FIRRM: variants seen among roughly 807,000 people sequenced by gnomAD.
The protein encoded by FIRRM is FIGNL1-interacting regulator of recombination and mitosis.
At chr1:169,850,451 CA>C in the FIRRM span, 3 of 748,230 alleles carry the variant, frequency 4.0e-6, no homozygotes, top group Non-Finnish European at 6.7e-6. Context: ...AAACTTTTCA[CA>C]GTGCTGAGCA....
the FIRRM span, chr1:169,850,906 A>C: frequency 6.9e-6 from 1 of 143,896 alleles, no homozygotes; most frequent in African/African-American, 2.6e-5. Context: ...TCATAATTAA[A>C]TACACTTGAT....
the FIRRM span, chr1:169,807,883 A>T: frequency 6.2e-7 from 1 of 1,609,854 alleles, no homozygotes; most frequent in Non-Finnish European, 8.5e-7. Flanking sequence ...TTCTCCTTCC[A>T]TTCTTGTTTA....
chr1:169,840,549 C>G, the FIRRM span, among the ~76,000 whole-genome samples: 2 of 148,974 alleles, frequency 1.3e-5, no homozygotes, highest in African/African-American at 5.0e-5. Context: ...CTCGCACTGT[C>G]GCTCAGGCTG....
At chr1:169,818,884 G>A in the FIRRM span, among the ~76,000 whole-genome samples, 2 of 151,872 alleles carry the variant, frequency 1.3e-5, no homozygotes, top group African/African-American at 2.4e-5. Context: ...ACAGGGTTTC[G>A]CCATGTTGGC....
the FIRRM span, chr1:169,802,535 C>A: frequency 1.9e-5 from 16 of 849,442 alleles, no homozygotes; most frequent in Admixed American, 2.3e-4. Flanking sequence ...ATCAAATTAT[C>A]GTATTGTGTT....
chr1:169,793,796 G>C, the FIRRM span: 3 of 1,139,126 alleles, frequency 2.6e-6, no homozygotes, highest in African/African-American at 1.6e-5. Flanking sequence ...AATTAGTTTT[G>C]TTGGGCCCAA....
chr1:169,801,070 A>T, the FIRRM span: 1 of 599,304 alleles, frequency 1.7e-6, no homozygotes, highest in South Asian at 2.4e-5. Context: ...AATATATCAA[A>T]TATATTCAAA....
the FIRRM span, chr1:169,832,532 C>T: frequency 3.2e-6 from 5 of 1,549,406 alleles, no homozygotes; most frequent in Non-Finnish European, 4.5e-6. Context: ...ATCTTTGTCA[C>T]TGTCTGTGAA....
chr1:169,807,675 T>C, the FIRRM span: 1 of 887,302 alleles, frequency 1.1e-6, no homozygotes, highest in Non-Finnish European at 1.6e-6. Flanking sequence ...TTATGTGATA[T>C]ATGATGCTTT....
At chr1:169,812,981 C>T in the FIRRM span, among the ~76,000 whole-genome samples, 1 of 152,096 alleles carries the variant, frequency 6.6e-6, no homozygotes, top group Non-Finnish European at 1.5e-5. Context: ...CATTAGCGAA[C>T]CATCCAACTC....
At chr1:169,810,764 G>A in the FIRRM span, among the ~76,000 whole-genome samples, 1 of 145,214 alleles carries the variant, frequency 6.9e-6, no homozygotes, top group East Asian at 2.1e-4. Flanking sequence ...TCTTGAAATT[G>A]GTTTCAAAAA....
the FIRRM span, among the ~76,000 whole-genome samples, chr1:169,849,085 A>G: frequency 6.6e-6 from 1 of 152,232 alleles, no homozygotes; most frequent in East Asian, 1.9e-4. Flanking sequence ...GGTGAGTGCT[A>G]TGGAGAAAAA....
chr1:169,834,650 A>T, the FIRRM span, among the ~76,000 whole-genome samples: 1 of 152,146 alleles, frequency 6.6e-6, no homozygotes, highest in African/African-American at 2.4e-5. Flanking sequence ...CGAGGAAATT[A>T]AATAACTTCC....
At chr1:169,806,029 C>A in the FIRRM span, 3 of 1,601,940 alleles carry the variant, frequency 1.9e-6, no homozygotes, top group Admixed American at 1.7e-5. Context: ...TGGATATCTG[C>A]TCTGTTATTT....
At chr1:169,793,116 G>A in the FIRRM span, 1 of 1,614,142 alleles carries the variant, frequency 6.2e-7, no homozygotes, top group East Asian at 2.2e-5. Flanking sequence ...CCACAACCAA[G>A]ATCCAAGACT....
chr1:169,800,792 G>T, the FIRRM span: 10 of 466,346 alleles, frequency 2.1e-5, no homozygotes, highest in East Asian at 4.6e-5. Context: ...TCAAGCTTTA[G>T]ATTGGTAGTA....
the FIRRM span, chr1:169,830,714 G>T: frequency 1.9e-6 from 3 of 1,613,828 alleles, no homozygotes; most frequent in Admixed American, 5.0e-5. Flanking sequence ...CTGCTGAACT[G>T]TGTGCACACC....
the FIRRM span, chr1:169,802,563 T>A: frequency 8.3e-7 from 1 of 1,200,208 alleles, no homozygotes. Flanking sequence ...TAAAGTTTTG[T>A]CTTGTCTTTT....
chr1:169,848,958 T>A, the FIRRM span, among the ~76,000 whole-genome samples: 1 of 152,246 alleles, frequency 6.6e-6, no homozygotes, highest in Non-Finnish European at 1.5e-5. Flanking sequence ...CTGTACCCAG[T>A]GCTGTTTTAA....
Sources: allele counts gnomAD v4.1 joint callset (sites outside exome capture counted in the v4.1 genomes callset), GRCh38; gene constraint gnomAD v4.1.1; transcripts MANE v1.5; gene names NCBI Gene and HGNC (gene_info 2026-07-23, HGNC 2026-07-21).